Variants in CREBBP observed in about 807,000 individuals in gnomAD.
CREBBP encodes the protein CREB binding lysine acetyltransferase.
Under a neutral mutation model 265.0 loss-of-function variants are expected in CREBBP, and 19 were observed. That is an observed-to-expected ratio of 0.07 (90% CI 0.05 to 0.11). CREBBP has a LOEUF of 0.11. CREBBP is among the 10% of genes least tolerant of loss of function. The pLI, the probability that CREBBP is intolerant of heterozygous loss-of-function variation, is 1.00. For synonymous variants in CREBBP, 1,457 were observed against 1,223.7 expected, an observed-to-expected ratio of 1.19 and a Z score of -3.98; for missense variants, 2,525 against 3,219.0, an observed-to-expected ratio of 0.78 and a Z score of 5.22.
In CREBBP at chr16:3,729,280, TG is replaced by T; in HGVS notation, c.5766del (p.Ser1923AlafsTer53). 6.5e-7 allele frequency: 1 copy of T among 1,530,322 alleles called. No individual in the cohort carries two copies. The allele number at this position is 1,530,322 out of a possible 1,614,324, so 94.8% of individuals were successfully genotyped here. A position where few individuals can be genotyped will look rare whatever the true frequency, so the allele number is the denominator to read the frequency against. On this transcript the variant is annotated frameshift_variant, in exon 31 of 31. Transcript: ENST00000262367. LOFTEE classifies it high-confidence loss of function. ...SPVSMSPAGF[P>X]SVARTQPPTT... ...GTGGGGGGCTGAGTCCGGGCCACGC[TG>T]GGGAAGCCAGCTGGTGACATGCTCA...
rs370012973 is a variant in CREBBP at position 3,770,782 on chromosome 16, T to G, written c.2668A>C (p.Thr890Pro). The G allele has an allele frequency of 4.4e-5, 71 of 1,613,190 alleles. No homozygotes were observed. Among genetic ancestry groups the G allele is most frequent in the Non-Finnish European group, 5.4e-5 (64 of 1,179,826 alleles). ...PQPAAPTQPSTPVSSSGQTPT... is the reference protein window; with the variant it reads ...PQPAAPTQPSPPVSSSGQTPT... ...GTCTGCCCGGAAGACGACACAGGAG[T>G]TGATGGCTGAGTGGGAGCTGCTGGC... Residue 890 changes from threonine (T) to proline (P), a missense_variant, in exon 14 of 31, where the codon ACT (threonine) becomes CCT (proline). Thr to Pro is a conservative substitution (Grantham distance 38). This residue lies in a region of CREBBP where 548 missense variants were observed against 533.0 expected (regional missense o/e 1.03). Transcript: ENST00000262367.
chr16:3,738,792 C>A, intron 25 of CREBBP, 120 bp from the exon 26 acceptor site: 1 of 735,762 alleles, frequency 1.4e-6, no homozygotes, highest in South Asian at 1.5e-5. Context: ...GTCATTCAGG[C>A]TGCAATGCGG....
At chr16:3,739,475 T>C (rs1244547266) in intron 25 of CREBBP, 103 bp downstream of exon 25, 13 of 1,350,676 alleles carry the variant, frequency 9.6e-6, no homozygotes, top group Non-Finnish European at 1.4e-5. Flanking sequence ...TTTACTTTAA[T>C]CCCCTATGAA....
At chr16:3,815,338 G>A (rs1469559535) in intron 2 of CREBBP, among the ~76,000 whole-genome samples, 3 of 151,844 alleles carry the variant, frequency 2.0e-5, no homozygotes, top group African/African-American at 7.3e-5. Context: ...TCAGCAGTTC[G>A]AGACCAGCCT....
chr16:3,752,360 T>C (rs1275498201), intron 19 of CREBBP, among the ~76,000 whole-genome samples: 1 of 152,208 alleles, frequency 6.6e-6, no homozygotes, highest in African/African-American at 2.4e-5. Flanking sequence ...AAATTTATGC[T>C]TGACAGCAAT....
chr16:3,851,859 T>C (rs1399367791), intron 1 of CREBBP, among the ~76,000 whole-genome samples: 1 of 48,850 alleles, frequency 2.0e-5, no homozygotes, highest in African/African-American at 1.6e-4. Flanking sequence ...AGACTCCGTC[T>C]CAAAAAAAAA....
intron 13 of CREBBP, 21 bp downstream of exon 13, chr16:3,773,730 G>A (rs748728079): frequency 1.1e-5 from 17 of 1,611,604 alleles, no homozygotes; most frequent in South Asian, 5.5e-5. Flanking sequence ...AGGGAGCCAC[G>A]GTCCCAGTGG....
Position 3,876,613 on chromosome 16 carries a change from G to A in CREBBP, c.85+3219C>T, listed in dbSNP as rs530380326. ...ATATAAAGTCCCCACTTATTGTAAGGGTGCCAAGTAAAGGAAGACCTCATG... is the reference window on the plus strand; with the variant it reads ...ATATAAAGTCCCCACTTATTGTAAGAGTGCCAAGTAAAGGAAGACCTCATG... On this transcript the variant is annotated intron_variant, in intron 1 of 30. Transcript: ENST00000262367. Among the ~76,000 whole-genome samples the A allele has an allele frequency of 2.0e-5, 3 of 152,074 alleles. No individual in the cohort carries two copies. The East Asian group carries it at 5.8e-4, about 29-fold the overall frequency.
At chr16:3,859,343 C>T (rs2055026439) in intron 1 of CREBBP, among the ~76,000 whole-genome samples, 1 of 152,100 alleles carries the variant, frequency 6.6e-6, no homozygotes, top group African/African-American at 2.4e-5. Flanking sequence ...CAGGCGCATA[C>T]CACCACACCC....
At chr16:3,824,261 C>T (rs1296532043) in intron 2 of CREBBP, among the ~76,000 whole-genome samples, 2 of 152,272 alleles carry the variant, frequency 1.3e-5, no homozygotes, top group Non-Finnish European at 2.9e-5. Context: ...TTGACCGAGG[C>T]TACGCCTCTG....
intron 1 of CREBBP, among the ~76,000 whole-genome samples, chr16:3,870,226 G>A (rs1042885664): frequency 1.2e-4 from 18 of 152,116 alleles, no homozygotes; most frequent in African/African-American, 3.9e-4. Context: ...AGAATCTGCA[G>A]GAGGAGAAAA....
At chr16:3,879,791 A>T in intron 1 of CREBBP, 41 bp downstream of exon 1, 6 of 1,538,640 alleles carry the variant, frequency 3.9e-6, no homozygotes, top group Non-Finnish European at 5.3e-6. Context: ...TGGGGGTGAC[A>T]GCGCGCCCCG....
chr16:3,849,694 C>T (rs1477412492), intron 2 of CREBBP, among the ~76,000 whole-genome samples: 1 of 151,540 alleles, frequency 6.6e-6, no homozygotes, highest in African/African-American at 2.4e-5. Context: ...TTCTTAAAGC[C>T]CAGGCCCCAC....
chr16:3,828,471 A>T (rs1354276736), intron 2 of CREBBP, among the ~76,000 whole-genome samples: 1 of 152,238 alleles, frequency 6.6e-6, no homozygotes, highest in African/African-American at 2.4e-5. Flanking sequence ...ACCCAATCAG[A>T]CCACAGGCAA....
chr16:3,878,886 T>C (rs974647476), intron 1 of CREBBP, among the ~76,000 whole-genome samples: 29 of 152,206 alleles, frequency 1.9e-4, no homozygotes, highest in Admixed American at 8.5e-4. Context: ...ACTGAATTAA[T>C]AGAAAACTAA....
chr16:3,845,362 G>A (rs2054644924), intron 2 of CREBBP, among the ~76,000 whole-genome samples: 1 of 152,118 alleles, frequency 6.6e-6, no homozygotes, highest in Admixed American at 6.5e-5. Context: ...TTCTGGCACA[G>A]GAACAAGCAA....
intron 5 of CREBBP, among the ~76,000 whole-genome samples, chr16:3,787,154 G>T (rs1178630860): frequency 6.6e-6 from 1 of 151,992 alleles, no homozygotes; most frequent in East Asian, 1.9e-4. Flanking sequence ...TGCGGGCATT[G>T]TGTGGGCCAG....
intron 3 of CREBBP, among the ~76,000 whole-genome samples, chr16:3,804,959 T>A (rs371187090): frequency 2.8e-4 from 43 of 152,358 alleles, no homozygotes; most frequent in African/African-American, 8.9e-4. Flanking sequence ...TGAGGCCTTG[T>A]AATATGTGGG....
At chr16:3,836,907 G>A (rs1049141272) in intron 2 of CREBBP, among the ~76,000 whole-genome samples, 1 of 152,202 alleles carries the variant, frequency 6.6e-6, no homozygotes, top group East Asian at 1.9e-4. Flanking sequence ...CATTACTCAG[G>A]TGTCTGTGAT....
Sources: allele counts gnomAD v4.1 joint callset (sites outside exome capture counted in the v4.1 genomes callset), GRCh38; gene constraint gnomAD v4.1.1; regional missense constraint gnomAD v4.1.1; transcripts MANE v1.5; gene names NCBI Gene and HGNC (gene_info 2026-07-23, HGNC 2026-07-21).